The following POSTN variants were observed in gnomAD, a reference collection of about 807,000 sequenced individuals.
POSTN encodes the protein periostin.
In POSTN, 71 loss-of-function variants were observed where a neutral mutation model predicts 104.5. The ratio of observed to expected loss-of-function variants is 0.68; its 90% CI spans 0.56 to 0.83. The LOEUF (loss-of-function observed/expected upper bound fraction) is 0.83, where lower values mean the gene tolerates loss of function less well. POSTN is among the 40% of genes least tolerant of loss of function. The probability of loss-of-function intolerance (pLI) is 0.00; values close to 1 mark genes in which losing one functional copy is unlikely to be tolerated. For missense variants in POSTN, 949 were observed against 1,006.8 expected (o/e 0.94, Z 0.78); for synonymous variants, 355 against 340.7 (o/e 1.04, Z -0.46).
chr13:37,587,815 AACTT>A lies in POSTN; in HGVS notation c.606+3_606+6del, dbSNP rs766402756. 3.2e-6 allele frequency: 5 copies of A among 1,562,296 alleles called. No individual in the cohort carries two copies. The East Asian group carries it at 9.0e-5, about 28-fold the overall frequency. On this transcript the variant is annotated splice_donor_5th_base_variant and intron_variant, in intron 5 of 22. Coordinates refer to ENST00000379747, the MANE Select transcript of POSTN (RefSeq NM_006475.3). ...TCATAAGTGTACTTTTTACTGATAAAACTTACCCCATTAGGATAATGGTTAATGA... is the reference window on the plus strand; with the variant it reads ...TCATAAGTGTACTTTTTACTGATAAAACCCCATTAGGATAATGGTTAATGA...
intron 19 of POSTN, 46 bp downstream of exon 19, chr13:37,570,534 A>T (rs745673455): frequency 4.8e-6 from 6 of 1,244,868 alleles, no homozygotes; most frequent in Non-Finnish European, 7.0e-6. Context: ...CTATAATTTG[A>T]TCTTTATAAT....
At chr13:37,577,153 C>A (rs1026784959) in intron 16 of POSTN, among the ~76,000 whole-genome samples, 1 of 152,010 alleles carries the variant, frequency 6.6e-6, no homozygotes, top group African/African-American at 2.4e-5. Flanking sequence ...AATGAAATAC[C>A]CTTTATCATT....
At chr13:37,580,762 A>G in intron 10 of POSTN, 65 bp from the exon 11 acceptor site, 1 of 1,598,636 alleles carries the variant, frequency 6.3e-7, no homozygotes, top group Admixed American at 1.7e-5. Flanking sequence ...TATAGATGTA[A>G]CTACATAATT....
chr13:37,598,733 T>A lies in POSTN; in HGVS notation c.-7A>T. On this transcript the variant is annotated 5_prime_UTR_variant, in exon 1 of 23. Coordinates refer to ENST00000379747, the MANE Select transcript of POSTN (RefSeq NM_006475.3). ...TGGGTAAAAAGGGAATCATCTTGAGTCTCTCCGTTGCAGTTAGTCCCCGAA... is the reference window on the plus strand; with the variant it reads ...TGGGTAAAAAGGGAATCATCTTGAGACTCTCCGTTGCAGTTAGTCCCCGAA... 1 of 1,612,086 alleles carries A rather than the reference T, an allele frequency of 6.2e-7. No homozygotes were observed. Among genetic ancestry groups the A allele is most frequent in the Non-Finnish European group, 8.5e-7 (1 of 1,178,594 alleles).
chr13:37,568,537 C>CA (rs1950176642), intron 21 of POSTN: 1 of 151,776 alleles, frequency 6.6e-6, no homozygotes, highest in Non-Finnish European at 1.5e-5. Context: ...ACATGTTTCA[C>CA]AAAAAATAAT....
At chr13:37,571,330 A>T in intron 18 of POSTN, 39 bp downstream of exon 18, 1 of 1,294,766 alleles carries the variant, frequency 7.7e-7, no homozygotes, top group Admixed American at 1.9e-5. Flanking sequence ...AAATAATCAC[A>T]GCGAAGGTAG....
chr13:37,593,691 A>G (rs1272996457), intron 2 of POSTN, among the ~76,000 whole-genome samples: 1 of 151,556 alleles, frequency 6.6e-6, no homozygotes, highest in Non-Finnish European at 1.5e-5. Flanking sequence ...TAATTTAGAC[A>G]TGAAAGAGAT....
At chr13:37,567,796 T>A (rs934762013) in intron 21 of POSTN, among the ~76,000 whole-genome samples, 1 of 152,188 alleles carries the variant, frequency 6.6e-6, no homozygotes, top group African/African-American at 2.4e-5. Flanking sequence ...AGCAGTTATA[T>A]GTTTTCTTGG....
At chr13:37,596,535 A>G (rs1245620174) in intron 2 of POSTN, among the ~76,000 whole-genome samples, 1 of 152,256 alleles carries the variant, frequency 6.6e-6, no homozygotes, top group African/African-American at 2.4e-5. Flanking sequence ...AGTGAAACAT[A>G]TGTTAAAACA....
intron 14 of POSTN, 43 bp downstream of exon 14, chr13:37,578,976 T>C (rs770868809): frequency 6.3e-7 from 1 of 1,594,822 alleles, no homozygotes; most frequent in South Asian, 1.1e-5. Flanking sequence ...AGGTTCATAT[T>C]AAAAAAAGAC....
At position 37,562,816 on chromosome 13, in the gene POSTN, A is replaced by G. The variant is rs1233390198; in HGVS notation, c.*517T>C. On this transcript the variant is annotated 3_prime_UTR_variant, in exon 23 of 23. Transcript: ENST00000379747. ...TGAGAGTACAAAATTAGTTGTAAAA[A>G]ATAACATAATTTACCAGTAAACCCA... The G allele has an allele frequency of 6.6e-6, 1 of 152,216 alleles. No homozygotes were observed. Among genetic ancestry groups the G allele is most frequent in the East Asian group, 1.9e-4 (1 of 5,188 alleles). The allele number at this position is 152,216 out of a possible 1,614,324, so 9.4% of individuals were successfully genotyped here.
Position 37,597,250 on chromosome 13 carries a change from C to T in POSTN, c.152G>A (p.Gly51Asp). The T allele has an allele frequency of 1.9e-6, 3 of 1,585,036 alleles. No individual in the cohort carries two copies. The highest frequency in any genetic ancestry group is 1.4e-5 in the African/African-American group (1 of 72,604). ...AGTGCTGAAGTATTTCTTTTTGGTGCCCAAAATCTGTTGAAGGGCACAGAC... is the reference window on the plus strand; with the variant it reads ...AGTGCTGAAGTATTTCTTTTTGGTGTCCAAAATCTGTTGAAGGGCACAGAC... ...PNVCALQQIL[G>D]TKKKYFSTCK... Residue 51 changes from glycine to aspartate, a missense_variant, in exon 2 of 23, where the codon GGC becomes GAC. By Grantham distance (94) the Gly-to-Asp change is moderately conservative (BLOSUM62 -1). Transcript: ENST00000379747.
chr13:37,580,645 T>C lies in POSTN; in HGVS notation c.1445A>G (p.Asn482Ser). 1.2e-6 allele frequency: 2 copies of C among 1,614,094 alleles called. No homozygotes were observed. The highest frequency in any genetic ancestry group is 8.5e-7 in the Non-Finnish European group (1 of 1,179,996). The change falls in exon 11 of 23, where the codon AAC (asparagine) becomes AGC (serine). Residue 482 changes from asparagine to serine, a missense_variant. Coordinates refer to ENST00000379747, the MANE Select transcript of POSTN (RefSeq NM_006475.3). ...CTCGCGGAATATGTGAATCGCACCGTTTCTCCCTTGCTTACTCCCTTTCTC... is the reference window on the plus strand; with the variant it reads ...CTCGCGGAATATGTGAATCGCACCGCTTCTCCCTTGCTTACTCCCTTTCTC... ...CMEKGSKQGR[N>S]GAIHIFREII...
intron 16 of POSTN, among the ~76,000 whole-genome samples, chr13:37,575,982 C>T (rs1950397539): frequency 6.6e-6 from 1 of 152,108 alleles, no homozygotes; most frequent in Admixed American, 6.6e-5. Flanking sequence ...ACATTTTTTA[C>T]ATCATGTTAA....
rs145636594 is a variant in POSTN at position 37,569,446 on chromosome 13, T to G, written c.2348-63A>C. ...ATAACAAAATAAAGACAGCAGACTT[T>G]ATGTCATAAATAATGGCATCTGCCC... On this transcript the variant is annotated intron_variant, in intron 20 of 22. Transcript: ENST00000379747. 6.7e-4 allele frequency: 862 copies of G among 1,280,220 alleles called. 7 individuals are homozygous for G. In the African/African-American group the frequency reaches 0.012, roughly 17 times the overall value. 79.3% of individuals were successfully genotyped at this position (1,280,220 alleles called of 1,614,324 possible).
intron 21 of POSTN, among the ~76,000 whole-genome samples, chr13:37,566,138 A>C (rs1333013609): frequency 6.6e-6 from 1 of 152,180 alleles, no homozygotes; most frequent in Non-Finnish European, 1.5e-5. Context: ...CAGCTTGATT[A>C]ATGTGTAGAA....
chr13:37,584,012 A>T lies in POSTN; in HGVS notation c.1200T>A (p.Asp400Glu), dbSNP rs1950675391. 1 of 1,613,822 alleles carries T rather than the reference A, an allele frequency of 6.2e-7. No individual in the cohort carries two copies. Among genetic ancestry groups the T allele is most frequent in the Non-Finnish European group, 8.5e-7 (1 of 1,179,948 alleles). Residue 400 changes from aspartate (D) to glutamate (E), a missense_variant, in exon 9 of 23, where the codon GAT becomes GAA. Coordinates refer to ENST00000379747, the MANE Select transcript of POSTN (RefSeq NM_006475.3). ...QLGLASALRP[D>E]GEYTLLAPVN... ...CAGGTGCCAGCAAAGTGTATTCTCCATCTGGCCTCAGAGCAGATGCCAAGC... is the reference window on the plus strand; with the variant it reads ...CAGGTGCCAGCAAAGTGTATTCTCCTTCTGGCCTCAGAGCAGATGCCAAGC...
At chr13:37,590,647 A>T (rs937595440) in intron 3 of POSTN, 118 bp from the exon 4 acceptor site, 6 of 754,868 alleles carry the variant, frequency 7.9e-6, no homozygotes, top group Non-Finnish European at 1.1e-5. Flanking sequence ...TTAGCAATAC[A>T]ATTATATGAA....
Position 37,596,825 on chromosome 13 carries a change from T to A in POSTN, c.218+359A>T, listed in dbSNP as rs138942497. ...TTTTCTGGCCCACTTTTTTATAAAA[T>A]GAGGAAACTAAGTCACAGAGGTTAA... is the stretch of plus-strand genomic sequence containing the variant. On this transcript the variant is annotated intron_variant, in intron 2 of 22. Transcript: ENST00000379747. Among the ~76,000 whole-genome samples, 987 of 152,282 alleles carry A rather than the reference T, an allele frequency of 6.5e-3. 5 individuals are homozygous for A. The highest frequency in any genetic ancestry group is 0.037 in the Middle Eastern group (11 of 294).
Sources: allele counts gnomAD v4.1 joint callset (sites outside exome capture counted in the v4.1 genomes callset), GRCh38; gene constraint gnomAD v4.1.1; transcripts MANE v1.5; gene names NCBI Gene and HGNC (gene_info 2026-07-23, HGNC 2026-07-21).